NAA50: variants seen among roughly 807,000 people sequenced by gnomAD.
NAA50 encodes N-alpha-acetyltransferase 50, NatE catalytic subunit, also known as N-alpha-acetyltransferase 50.
NAA50 carries 7 observed loss-of-function variants against 20.7 expected under a neutral mutation model. The observed-to-expected ratio is 0.34, with a 90% confidence interval of 0.19 to 0.63. The LOEUF (loss-of-function observed/expected upper bound fraction) is 0.63, where lower values mean the gene tolerates loss of function less well. Among genes scored for constraint, NAA50 ranks in the 30% least tolerant of loss-of-function variants. The probability of loss-of-function intolerance (pLI) is 0.75; values close to 1 mark genes in which losing one functional copy is unlikely to be tolerated. For synonymous variants in NAA50, 54 were observed against 70.6 expected (o/e 0.77, Z 1.18); for missense variants, 111 against 199.1 (o/e 0.56, Z 2.66).
intron 1 of NAA50, 61 bp downstream of exon 1, chr3:113,745,881 C>G: frequency 1.9e-6 from 3 of 1,571,798 alleles, no homozygotes; most frequent in Non-Finnish European, 2.6e-6. Flanking sequence ...CTCTCCCCCT[C>G]TACATGGGCC....
chr3:113,742,422 T>C (rs1020895758), intron 1 of NAA50, among the ~76,000 whole-genome samples: 3 of 147,652 alleles, frequency 2.0e-5, no homozygotes, highest in Non-Finnish European at 3.0e-5. Context: ...CCAGCATGCC[T>C]GGCTTTTTTT....
At chr3:113,737,971 A>T (rs1380768627) in intron 1 of NAA50, among the ~76,000 whole-genome samples, 1 of 152,166 alleles carries the variant, frequency 6.6e-6, no homozygotes, top group Non-Finnish European at 1.5e-5. Flanking sequence ...TTGGGAAGCC[A>T]AAGTGGGCAG....
rs147605258 is a variant in NAA50, at chr3:113,723,068, A to T, written c.266-96T>A. ...CCATCTGAACTACTTATTGAGTCCT[A>T]AAAGAATTTATGAGGTATACACTAG... On this transcript the variant is annotated intron_variant, in intron 3 of 4. Coordinates refer to ENST00000240922, the MANE Select transcript of NAA50 (RefSeq NM_025146.4). The T allele has an allele frequency of 2.1e-3, 2,950 of 1,385,920 alleles. 60 individuals carry two copies. Among genetic ancestry groups the T allele is most frequent in the East Asian group, 1.8e-3 (69 of 38,170 alleles). The allele number at this position is 1,385,920 out of a possible 1,614,324, so 85.9% of individuals were successfully genotyped here. A position where few individuals can be genotyped will look rare whatever the true frequency, so the allele number is the denominator to read the frequency against.
intron 1 of NAA50, among the ~76,000 whole-genome samples, chr3:113,726,208 G>A (rs1431313620): frequency 6.6e-6 from 1 of 152,062 alleles, no homozygotes; most frequent in Non-Finnish European, 1.5e-5. Context: ...AAAAGGGTAA[G>A]AGATTTATAT....
chr3:113,745,612 T>C, intron 1 of NAA50: 1 of 344,086 alleles, frequency 2.9e-6, no homozygotes. Context: ...GGCTCAGCGG[T>C]CCGCTCCCGG....
At chr3:113,733,129 T>C (rs1708291794) in intron 1 of NAA50, among the ~76,000 whole-genome samples, 1 of 152,130 alleles carries the variant, frequency 6.6e-6, no homozygotes, top group Non-Finnish European at 1.5e-5. Flanking sequence ...TTACATTGGA[T>C]TGCTTGTCTT....
rs1191923365 is a variant in NAA50 at position 113,718,093 on chromosome 3, C to T, written c.*3667G>A. 6.6e-6 allele frequency: 1 copy of T among 152,160 alleles called. No individual in the cohort carries two copies. The highest frequency in any genetic ancestry group is 1.5e-5 in the Non-Finnish European group (1 of 68,050). The allele number at this position is 152,160 out of a possible 1,614,324, so 9.4% of individuals were successfully genotyped here. On this transcript the variant is annotated 3_prime_UTR_variant, in exon 5 of 5. Coordinates refer to ENST00000240922, the MANE Select transcript of NAA50 (RefSeq NM_025146.4). The stretch of plus-strand genomic sequence containing the variant: ...ACGTCATAAAAAAGTATGGTTTCTG[C>T]TCACTTTCTTATATCACCTGCTCTA...
intron 1 of NAA50, among the ~76,000 whole-genome samples, chr3:113,737,901 C>T (rs1195599651): frequency 6.6e-6 from 1 of 152,000 alleles, no homozygotes; most frequent in Admixed American, 6.6e-5. Context: ...AGAGGTTTGG[C>T]AGTAATTTTA....
At chr3:113,743,972 G>A (rs1282403804) in intron 1 of NAA50, among the ~76,000 whole-genome samples, 1 of 152,154 alleles carries the variant, frequency 6.6e-6, no homozygotes, top group Non-Finnish European at 1.5e-5. Context: ...ACAGCCTATG[G>A]AGACTGAACT....
chr3:113,741,167 T>TG (rs1353171234), intron 1 of NAA50: 3 of 535,612 alleles, frequency 5.6e-6, no homozygotes, highest in Admixed American at 2.4e-5. Context: ...CTTCAAAACA[T>TG]GAACATTACT....
In NAA50 at chr3:113,746,187, G is replaced by T; in HGVS notation, c.-238C>A. ...CCGCCGCTTCTCCACACGTGCACTC[G>T]GGTCTCTCGGCTCCCTCCCGCCGCT... On this transcript the variant is annotated 5_prime_UTR_variant, in exon 1 of 5. Coordinates refer to ENST00000240922, the MANE Select transcript of NAA50 (RefSeq NM_025146.4). 1 of 524,108 alleles carries T rather than the reference G, an allele frequency of 1.9e-6. No individual in the cohort carries two copies. The highest frequency in any genetic ancestry group is 2.4e-5 in the South Asian group (1 of 41,522). The allele number at this position is 524,108 out of a possible 1,614,324, so 32.5% of individuals were successfully genotyped here.
intron 1 of NAA50, among the ~76,000 whole-genome samples, chr3:113,725,599 A>G (rs1209440006): frequency 6.6e-6 from 1 of 152,074 alleles, no homozygotes; most frequent in Non-Finnish European, 1.5e-5. Context: ...ACTTTGTAAG[A>G]AATTTTTTTA....
chr3:113,718,858 A>C lies in NAA50; in HGVS notation c.*2902T>G, dbSNP rs114406338. 5.4e-3 allele frequency: 828 copies of C among 152,748 alleles called. 2 individuals carry two copies. The highest frequency in any genetic ancestry group is 0.015 in the African/African-American group (641 of 41,566). The allele number at this position is 152,748 out of a possible 1,614,324, so 9.5% of individuals were successfully genotyped here. Reference sequence around the variant, plus strand: ...GCCTTAATTACACTTGGCCTATTTTAATGATTTTAAAATTAGATCTTAAAT... The same window carrying C: ...GCCTTAATTACACTTGGCCTATTTTCATGATTTTAAAATTAGATCTTAAAT... On this transcript the variant is annotated 3_prime_UTR_variant, in exon 5 of 5. Coordinates refer to ENST00000240922, the MANE Select transcript of NAA50 (RefSeq NM_025146.4).
rs1708098544 is a variant in NAA50 at position 113,718,952 on chromosome 3, T to G, written c.*2808A>C. 6.6e-6 allele frequency: 1 copy of G among 152,662 alleles called. No individual in the cohort carries two copies. The highest frequency in any genetic ancestry group is 1.9e-4 in the East Asian group (1 of 5,204). The allele number at this position is 152,662 out of a possible 1,614,324, so 9.5% of individuals were successfully genotyped here. A position where few individuals can be genotyped will look rare whatever the true frequency, so the allele number is the denominator to read the frequency against. On this transcript the variant is annotated 3_prime_UTR_variant, in exon 5 of 5. Coordinates refer to ENST00000240922, the MANE Select transcript of NAA50 (RefSeq NM_025146.4). ...TATGTACGGTTGCTGGCTGCAGAAT[T>G]CAACAATACAGTTTTGACATTTACA...
chr3:113,738,772 G>C (rs779335945), intron 1 of NAA50, among the ~76,000 whole-genome samples: 58 of 152,214 alleles, frequency 3.8e-4, no homozygotes, highest in Middle Eastern at 3.4e-3. Flanking sequence ...TAGAAGCAGG[G>C]GAACCCAAAC....
chr3:113,744,123 G>C (rs1216204167), intron 1 of NAA50, among the ~76,000 whole-genome samples: 1 of 152,122 alleles, frequency 6.6e-6, no homozygotes, highest in Non-Finnish European at 1.5e-5. Flanking sequence ...CTGAGTGCCT[G>C]ACAATGAGTA....
At chr3:113,723,154 T>C (rs1230864236) in intron 3 of NAA50, among the ~76,000 whole-genome samples, 182 bp from the exon 4 acceptor site, 3 of 152,182 alleles carry the variant, frequency 2.0e-5, no homozygotes, top group African/African-American at 7.2e-5. Context: ...TTTAAAACTG[T>C]TAGCAGAAGA....
In NAA50 at chr3:113,719,384, CTG is replaced by C; in HGVS notation, c.*2374_*2375del. The C allele has an allele frequency of 6.5e-6, 1 of 152,684 alleles. No homozygotes were observed. Among genetic ancestry groups the C allele is most frequent in the South Asian group, 2.1e-4 (1 of 4,830 alleles). 9.5% of individuals were successfully genotyped at this position (152,684 alleles called of 1,614,324 possible). ...TCCTGAAAAATATGATGGATATATCCTGTGATTTTCCAGTTAACAGAATTGTT... is the reference window on the plus strand; with the variant it reads ...TCCTGAAAAATATGATGGATATATCCTGATTTTCCAGTTAACAGAATTGTT... On this transcript the variant is annotated 3_prime_UTR_variant, in exon 5 of 5. Coordinates refer to ENST00000240922, the MANE Select transcript of NAA50 (RefSeq NM_025146.4).
At chr3:113,744,252 A>G (rs889828886) in intron 1 of NAA50, among the ~76,000 whole-genome samples, 3 of 152,124 alleles carry the variant, frequency 2.0e-5, no homozygotes, top group African/African-American at 7.2e-5. Context: ...GCTTGAGCTC[A>G]GGAGTTTGAG....
Sources: gnomAD v4.1 joint callset for allele counts (sites outside exome capture counted in the v4.1 genomes callset) on GRCh38, gnomAD v4.1.1 for gene constraint, MANE v1.5 for transcripts, NCBI Gene and HGNC (gene_info 2026-07-23, HGNC 2026-07-21) for gene names.